PCGF2: variants seen among roughly 807,000 people sequenced by gnomAD.
The protein encoded by PCGF2 is polycomb group RING finger protein 2.
Under a neutral mutation model 36.1 loss-of-function variants are expected in PCGF2, and 8 were observed. The ratio of observed to expected loss-of-function variants is 0.22; its 90% CI spans 0.13 to 0.40. The LOEUF is 0.40. Among genes scored for constraint, PCGF2 ranks in the 10% least tolerant of loss-of-function variants. The pLI is 1.00. For missense variants in PCGF2, 436 were observed against 475.9 expected (o/e 0.92, Z 0.78); for synonymous variants, 198 against 191.2 (o/e 1.04, Z -0.29).
chr17:38,749,083 G>A (rs930468153), upstream of PCGF2, among the ~76,000 whole-genome samples: 24 of 152,308 alleles, frequency 1.6e-4, no homozygotes, highest in Non-Finnish European at 3.5e-4. This position sits in a 1 kb window ranked among gnomAD's most constrained non-coding sequence, Gnocchi z 6.5. Context: ...GGCGTGCTCG[G>A]GCAGAGAAGA....
At chr17:38,740,224 G>A in intron 3 of PCGF2, 67 bp downstream of exon 3, 1 of 1,402,382 alleles carries the variant, frequency 7.1e-7, no homozygotes, top group South Asian at 1.2e-5. Context: ...CCTTCCTCAG[G>A]CCGTGCCCGC....
At chr17:38,738,223 A>G in intron 9 of PCGF2, 130 bp downstream of exon 9, 1 of 742,262 alleles carries the variant, frequency 1.3e-6, no homozygotes, top group Non-Finnish European at 2.3e-6. Context: ...CCTTCTGTTA[A>G]CGCATGGGCT....
chr17:38,738,225 G>A (rs951631352), intron 9 of PCGF2, 128 bp downstream of exon 9: 3 of 753,312 alleles, frequency 4.0e-6, no homozygotes, highest in Non-Finnish European at 6.8e-6. Context: ...TTCTGTTAAC[G>A]CATGGGCTCA....
At chr17:38,737,429 C>G (rs1906857699) in intron 9 of PCGF2, among the ~76,000 whole-genome samples, 1 of 152,148 alleles carries the variant, frequency 6.6e-6, no homozygotes, top group Admixed American at 6.5e-5. Flanking sequence ...TGCCACTGCA[C>G]TCCAGCCTGC....
At chr17:38,735,665 A>G in intron 10 of PCGF2, 65 bp from the exon 11 acceptor site, 1 of 1,467,110 alleles carries the variant, frequency 6.8e-7, no homozygotes, top group South Asian at 1.4e-5. Context: ...GAGTCCAACT[A>G]AAGGGCCACC....
At chr17:38,737,205 G>A (rs1906837785) in intron 9 of PCGF2, among the ~76,000 whole-genome samples, 1 of 151,642 alleles carries the variant, frequency 6.6e-6, no homozygotes, top group Admixed American at 6.6e-5. Context: ...GCTCACACCT[G>A]TAATCCCAGA....
In PCGF2 at chr17:38,738,365, G is replaced by A. The variant is rs776285271; in HGVS notation, c.564C>T (p.Pro188=). 3 of 1,613,852 alleles carry A rather than the reference G, an allele frequency of 1.9e-6. No individual in the cohort carries two copies. The highest frequency in any genetic ancestry group is 1.7e-6 in the Non-Finnish European group (2 of 1,179,732). Reference sequence around the variant, plus strand: ...CCCAGGGACCCACCTTGTACTTGCTGGGCACATCCATCTTGTTGCGGAGAA... The same window carrying A: ...CCCAGGGACCCACCTTGTACTTGCTAGGCACATCCATCTTGTTGCGGAGAA... The part of the protein sequence containing the change: ...AKFLRNKMDV[P]SKYKVEVLYE... The change falls in exon 9 of 11, where the codon CCC becomes CCT. Residue 188 remains proline (P), a synonymous_variant. Coordinates refer to ENST00000620225, the MANE Select transcript of PCGF2 (RefSeq NM_007144.3).
chr17:38,739,699 G>A lies in PCGF2; in HGVS notation c.113-17C>T, dbSNP rs775972206. On this transcript the variant is annotated splice_polypyrimidine_tract_variant and intron_variant, in intron 3 of 10. Coordinates refer to ENST00000620225, the MANE Select transcript of PCGF2 (RefSeq NM_007144.3). This position sits in a 1 kb window ranked among gnomAD's most constrained non-coding sequence, Gnocchi z 4.0. The stretch of plus-strand genomic sequence containing the variant: ...TTTTGCAGACTTGGGGGTGTGGAGA[G>A]AGAGAGGAGAGTCAGAGCCAACTTC... 1 of 1,599,662 alleles carries A rather than the reference G, an allele frequency of 6.3e-7. No homozygotes were observed. Among genetic ancestry groups the A allele is most frequent in the Non-Finnish European group, 8.6e-7 (1 of 1,166,838 alleles).
chr17:38,745,310 C>T (rs1379259237), intron 2 of PCGF2, among the ~76,000 whole-genome samples: 1 of 152,106 alleles, frequency 6.6e-6, no homozygotes, highest in Non-Finnish European at 1.5e-5. Flanking sequence ...CCAGCCTGGG[C>T]AACAGAGCGA....
rs1218889139 is a variant in PCGF2, at chr17:38,735,506, C to T, written c.752G>A (p.Ser251Asn). Residue 251 changes from serine to asparagine, a missense_variant, in exon 11 of 11, where the codon AGC becomes AAC. Transcript: ENST00000620225. Reference sequence around the variant, plus strand: ...GACTGACTCACACTCGGACGCCCCGCTGGTGTTGGTGCCCTCGGAGGGGGT... The same window carrying T: ...GACTGACTCACACTCGGACGCCCCGTTGGTGTTGGTGCCCTCGGAGGGGGT... ...VPTPSEGTNT[S>N]GASECESVSD... 1 of 1,592,918 alleles carries T rather than the reference C, an allele frequency of 6.3e-7. No individual in the cohort carries two copies. Among genetic ancestry groups the T allele is most frequent in the Non-Finnish European group, 8.5e-7 (1 of 1,169,970 alleles).
At chr17:38,737,770 G>A (rs942974167) in intron 9 of PCGF2, among the ~76,000 whole-genome samples, 5 of 151,382 alleles carry the variant, frequency 3.3e-5, no homozygotes, top group African/African-American at 1.2e-4. Context: ...AAATTAGCCA[G>A]GTGTGGTGGC....
intron 7 of PCGF2, 68 bp from the exon 8 acceptor site, chr17:38,738,663 C>T (rs1173493382): frequency 9.6e-6 from 15 of 1,562,960 alleles, no homozygotes; most frequent in Non-Finnish European, 1.3e-5. Flanking sequence ...AGGATGATCC[C>T]TCAATGGACA....
In PCGF2 at chr17:38,743,094, C is replaced by CTTT. The variant is rs71138648; in HGVS notation, c.-40-2655_-40-2653dup. Among the ~76,000 whole-genome samples the CTTT allele has an allele frequency of 7.5e-3, 1,045 of 138,726 alleles. 29 individuals carry two copies. The highest frequency in any genetic ancestry group is 0.026 in the African/African-American group (977 of 37,012). 91.0% of individuals were successfully genotyped at this position (138,726 alleles called of 152,430 possible). On this transcript the variant is annotated intron_variant, in intron 2 of 10. Coordinates refer to ENST00000620225, the MANE Select transcript of PCGF2 (RefSeq NM_007144.3). The stretch of plus-strand genomic sequence containing the variant: ...TGTGTTTTCAAAGCAGACACTTGCT[C>CTTT]TTTTTTTTTTTTTTTTGAGATAGTC...
intron 2 of PCGF2, among the ~76,000 whole-genome samples, chr17:38,741,611 G>C (rs1399837752): frequency 6.6e-6 from 1 of 152,116 alleles, no homozygotes; most frequent in African/African-American, 2.4e-5. Flanking sequence ...TCTGCATCCA[G>C]CCTAAGCTTT....
chr17:38,744,594 G>C (rs1242744209), intron 2 of PCGF2, among the ~76,000 whole-genome samples: 5 of 152,146 alleles, frequency 3.3e-5, no homozygotes, highest in Admixed American at 2.0e-4. Flanking sequence ...GGCCTCAAGT[G>C]ATCTGCCCGC....
At chr17:38,747,258 C>CG (rs1320402617) in intron 2 of PCGF2, among the ~76,000 whole-genome samples, 1 of 152,080 alleles carries the variant, frequency 6.6e-6, no homozygotes, top group Non-Finnish European at 1.5e-5. Context: ...TCTGCTTGCC[C>CG]GGGGGTCCCA....
upstream of PCGF2, chr17:38,749,788 C>G (rs1326788074): frequency 4.4e-6 from 2 of 454,166 alleles, no homozygotes; most frequent in Non-Finnish European, 8.9e-6. The surrounding 1 kb of genome is among the most constrained non-coding windows in gnomAD (Gnocchi z 6.5). Context: ...CACTGGCCGC[C>G]GAGTGACCCC....
At position 38,734,359 on chromosome 17, in the gene PCGF2, A is replaced by C. The variant is rs2143741503; in HGVS notation, c.*864T>G. On this transcript the variant is annotated 3_prime_UTR_variant, in exon 11 of 11. Coordinates refer to ENST00000620225, the MANE Select transcript of PCGF2 (RefSeq NM_007144.3). ...CCACTTCCACTCTAGGCCCCAGGTG[A>C]GACTCCACCACCAGTCCTGCTAGTG... The C allele has an allele frequency of 6.6e-6, 1 of 152,614 alleles. No individual in the cohort carries two copies. Among genetic ancestry groups the C allele is most frequent in the East Asian group, 1.9e-4 (1 of 5,170 alleles). The allele number at this position is 152,614 out of a possible 1,614,324, so 9.5% of individuals were successfully genotyped here.
rs1479124380 is a variant in PCGF2, at chr17:38,739,369, A to G, written c.210-116T>C. 1 of 1,005,848 alleles carries G rather than the reference A, an allele frequency of 9.9e-7. No homozygotes were observed. The highest frequency in any genetic ancestry group is 1.6e-6 in the Non-Finnish European group (1 of 643,220). 62.3% of individuals were successfully genotyped at this position (1,005,848 alleles called of 1,614,324 possible). On this transcript the variant is annotated intron_variant, in intron 4 of 10. Coordinates refer to ENST00000620225, the MANE Select transcript of PCGF2 (RefSeq NM_007144.3). The surrounding 1 kb of genome is among the most constrained non-coding windows in gnomAD (Gnocchi z 4.0). ...CACCCCCTTCCTGAGACCGGTGCCC[A>G]GGCATTAGGATCCCTGTGGGTCTGG...
Sources: allele counts gnomAD v4.1 joint callset (sites outside exome capture counted in the v4.1 genomes callset), GRCh38; gene constraint gnomAD v4.1.1; non-coding constraint Gnocchi (gnomAD v3.1); transcripts MANE v1.5; gene names NCBI Gene and HGNC (gene_info 2026-07-23, HGNC 2026-07-21).